RHBDL3: variants seen among roughly 807,000 people sequenced by gnomAD.
RHBDL3 encodes rhomboid-related protein 3.
RHBDL3 carries 28 observed loss-of-function variants against 48.2 expected under a neutral mutation model. The ratio of observed to expected loss-of-function variants is 0.58; its 90% CI spans 0.43 to 0.80. The LOEUF (loss-of-function observed/expected upper bound fraction) is 0.80. Among genes scored for constraint, RHBDL3 ranks in the 30% least tolerant of loss-of-function variants. The probability of loss-of-function intolerance (pLI) is 0.00; values close to 1 mark genes in which losing one functional copy is unlikely to be tolerated. For missense variants in RHBDL3, 464 were observed against 542.7 expected (o/e 0.85, Z 1.44); for synonymous variants, 208 against 232.3 (o/e 0.90, Z 0.95).
rs779677488 is a variant in RHBDL3 at position 32,321,248 on chromosome 17, CGGGGA to C, written c.*28_*32del. On this transcript the variant is annotated 3_prime_UTR_variant, in exon 9 of 9. Transcript: ENST00000269051. ...CCCCTGAGGGCTGGAGGCCCAAGGT[CGGGGA>C]GGGGAGGGAAAAGCAGCACCCACAG... 1 of 1,613,994 alleles carries C rather than the reference CGGGGA, an allele frequency of 6.2e-7. No individual in the cohort carries two copies. Among genetic ancestry groups the C allele is most frequent in the South Asian group, 1.1e-5 (1 of 91,064 alleles).
At chr17:32,315,563 G>C (rs964765284) in intron 7 of RHBDL3, among the ~76,000 whole-genome samples, 1 of 152,060 alleles carries the variant, frequency 6.6e-6, no homozygotes, top group Non-Finnish European at 1.5e-5. Context: ...CATCCTTTCC[G>C]AGTGATGTGA....
chr17:32,273,092 C>A (rs1054566663), intron 2 of RHBDL3, among the ~76,000 whole-genome samples: 2 of 152,234 alleles, frequency 1.3e-5, no homozygotes, highest in African/African-American at 4.8e-5. Context: ...CCTCCACCTC[C>A]CGGGTTCAGG....
intron 2 of RHBDL3, 49 bp downstream of exon 2, chr17:32,267,974 G>C: frequency 2.8e-6 from 4 of 1,450,534 alleles, no homozygotes; most frequent in East Asian, 4.5e-5. Flanking sequence ...CCCTGAAATC[G>C]GTCTCAGTCT....
intron 3 of RHBDL3, among the ~76,000 whole-genome samples, chr17:32,287,612 C>G (rs1275210527): frequency 6.6e-6 from 1 of 152,150 alleles, no homozygotes; most frequent in Non-Finnish European, 1.5e-5. Flanking sequence ...TAGATCCTCC[C>G]CAGCCATCTG....
At chr17:32,289,907 C>T (rs2040288005) in intron 4 of RHBDL3, among the ~76,000 whole-genome samples, 1 of 152,258 alleles carries the variant, frequency 6.6e-6, no homozygotes, top group Non-Finnish European at 1.5e-5. Flanking sequence ...TTCTTTTCTT[C>T]TAAGTCAGAA....
chr17:32,299,491 C>T (rs1448523689), intron 6 of RHBDL3, among the ~76,000 whole-genome samples: 1 of 152,194 alleles, frequency 6.6e-6, no homozygotes, highest in Non-Finnish European at 1.5e-5. Flanking sequence ...ACCCACACAC[C>T]CCCTAATCCT....
chr17:32,308,578 C>T (rs2040764282), intron 7 of RHBDL3, among the ~76,000 whole-genome samples: 1 of 152,080 alleles, frequency 6.6e-6, no homozygotes, highest in Admixed American at 6.5e-5. Context: ...TGCATCACTG[C>T]ACTCCAGCCA....
chr17:32,266,780 T>G (rs545044495), intron 1 of RHBDL3, among the ~76,000 whole-genome samples: 1 of 152,274 alleles, frequency 6.6e-6, no homozygotes, highest in African/African-American at 2.4e-5. Context: ...GGCACCTGCC[T>G]TGCCGCGACA....
intron 1 of RHBDL3, 130 bp from the exon 2 acceptor site, chr17:32,267,772 G>C: frequency 6.5e-7 from 1 of 1,549,052 alleles, no homozygotes. Flanking sequence ...CCCTGAGCCT[G>C]GTCATGACTC....
chr17:32,283,121 A>G (rs1406319869), intron 2 of RHBDL3, among the ~76,000 whole-genome samples: 1 of 152,100 alleles, frequency 6.6e-6, no homozygotes, highest in Non-Finnish European at 1.5e-5. Flanking sequence ...TGCCTTTTAA[A>G]CAACTCACAG....
At chr17:32,266,356 CG>C in intron 1 of RHBDL3, 56 bp downstream of exon 1, 2 of 959,656 alleles carry the variant, frequency 2.1e-6, no homozygotes, top group Admixed American at 3.3e-5. Context: ...GGGGAAAAGC[CG>C]CCCCTGTCTC....
intron 1 of RHBDL3, among the ~76,000 whole-genome samples, chr17:32,267,270 T>G (rs2039655920): frequency 6.6e-6 from 1 of 152,152 alleles, no homozygotes; most frequent in Non-Finnish European, 1.5e-5. Flanking sequence ...TGGCAGAATC[T>G]GATGTAGTCA....
At chr17:32,279,604 C>T (rs1041201740) in intron 2 of RHBDL3, among the ~76,000 whole-genome samples, 4 of 152,234 alleles carry the variant, frequency 2.6e-5, no homozygotes, top group Admixed American at 2.0e-4. Context: ...CCTGTAGCCC[C>T]TTGACTGTGC....
chr17:32,312,403 C>G (rs1022518064), intron 7 of RHBDL3, among the ~76,000 whole-genome samples: 1 of 152,034 alleles, frequency 6.6e-6, no homozygotes, highest in Non-Finnish European at 1.5e-5. Flanking sequence ...CCACTTCACT[C>G]CAGCCTGGGC....
intron 1 of RHBDL3, 35 bp downstream of exon 1, chr17:32,266,335 G>A: frequency 8.6e-7 from 1 of 1,164,640 alleles, no homozygotes; most frequent in Non-Finnish European, 1.2e-6. Context: ...AAACTTTCTA[G>A]GGGGCGCCGG....
intron 7 of RHBDL3, 143 bp from the exon 8 acceptor site, chr17:32,316,089 T>C: frequency 1.5e-6 from 1 of 663,934 alleles, no homozygotes; most frequent in Non-Finnish European, 2.7e-6. Flanking sequence ...CAAAGCCATG[T>C]GGTGTGTTCT....
intron 8 of RHBDL3, among the ~76,000 whole-genome samples, chr17:32,320,709 T>C (rs2041106766): frequency 6.6e-6 from 1 of 152,238 alleles, no homozygotes; most frequent in Admixed American, 6.5e-5. Context: ...TTTAATCACC[T>C]GTTTCCCCCC....
At chr17:32,299,259 G>A (rs1360213654) in intron 6 of RHBDL3, among the ~76,000 whole-genome samples, 1 of 152,158 alleles carries the variant, frequency 6.6e-6, no homozygotes, top group African/African-American at 2.4e-5. Context: ...AAATCAAAGA[G>A]GAAGGGTCCC....
At chr17:32,287,347 C>A (rs184058779) in intron 3 of RHBDL3, among the ~76,000 whole-genome samples, 1 of 152,294 alleles carries the variant, frequency 6.6e-6, no homozygotes, top group Admixed American at 6.5e-5. Flanking sequence ...CTGTCTTGGG[C>A]TCACAATGTG....
Sources: gnomAD v4.1 joint callset for allele counts (sites outside exome capture counted in the v4.1 genomes callset) on GRCh38, gnomAD v4.1.1 for gene constraint, MANE v1.5 for transcripts, NCBI Gene and HGNC (gene_info 2026-07-23, HGNC 2026-07-21) for gene names.